Variants in PRKG1 observed in about 807,000 individuals in gnomAD.
PRKG1 encodes the protein cGMP-dependent protein kinase 1.
A neutral mutation model predicts 88.1 loss-of-function variants in PRKG1; 35 were observed. The observed-to-expected ratio is 0.40, with a 90% CI of 0.30 to 0.53. The LOEUF is 0.53. Ranked by LOEUF, PRKG1 falls within the 20% of genes least tolerant of loss-of-function variation. The pLI, the probability that PRKG1 is intolerant of heterozygous loss-of-function variation, is 0.59. For missense variants in PRKG1, 540 were observed against 839.8 expected (o/e 0.64, Z 4.41); for synonymous variants, 303 against 292.5 (o/e 1.04, Z -0.37).
rs142963984 is a variant in PRKG1 at position 52,110,068 on chromosome 10, G to A, written c.936-23772G>A. 6.4e-4 allele frequency among the ~76,000 whole-genome samples: 97 copies of A among 152,022 alleles called. 1 individual carries two copies. Among genetic ancestry groups the A allele is most frequent in the African/African-American group, 2.2e-3 (91 of 41,330 alleles). ...TCTTTAGAAGACCTGATTCTAGGCC[G>A]GGCGCCGTGGCTCACGCCTGTAGTA... On this transcript the variant is annotated intron_variant, in intron 7 of 17. Transcript: ENST00000373980.
intron 1 of PRKG1, among the ~76,000 whole-genome samples, chr10:51,020,995 T>G (rs1215200747): frequency 2.6e-5 from 4 of 152,208 alleles, no homozygotes; most frequent in African/African-American, 9.6e-5. Context: ...GTCTCAAAAC[T>G]GTGCCTGTTG....
chr10:51,586,012 T>C (rs1838163572), intron 3 of PRKG1, among the ~76,000 whole-genome samples: 1 of 152,124 alleles, frequency 6.6e-6, no homozygotes, highest in South Asian at 2.1e-4. Flanking sequence ...GTTCAAAAGC[T>C]ACCTGTTGGG....
intron 3 of PRKG1, among the ~76,000 whole-genome samples, chr10:51,558,395 G>T (rs1315557158): frequency 6.6e-6 from 1 of 152,060 alleles, no homozygotes; most frequent in East Asian, 1.9e-4. Flanking sequence ...GTGATCAAAT[G>T]AGGACCATAC....
intron 3 of PRKG1, among the ~76,000 whole-genome samples, chr10:51,761,347 G>A (rs1838017696): frequency 6.6e-6 from 1 of 152,170 alleles, no homozygotes; most frequent in Non-Finnish European, 1.5e-5. Context: ...TGTTATGGTG[G>A]AAATTATTGT....
chr10:51,529,284 G>A (rs1841957244), intron 3 of PRKG1, among the ~76,000 whole-genome samples: 1 of 152,044 alleles, frequency 6.6e-6, no homozygotes, highest in Non-Finnish European at 1.5e-5. Context: ...CTATTGCATT[G>A]ATGTCTTTCA....
intron 1 of PRKG1, among the ~76,000 whole-genome samples, chr10:51,059,653 C>T (rs2132781276): frequency 6.6e-6 from 1 of 152,094 alleles, no homozygotes; most frequent in East Asian, 1.9e-4. Context: ...AATTTTTGTT[C>T]ATTTCCAGTT....
At chr10:51,591,187 G>T (rs913712075) in intron 3 of PRKG1, among the ~76,000 whole-genome samples, 2 of 152,148 alleles carry the variant, frequency 1.3e-5, no homozygotes, top group East Asian at 3.9e-4. Context: ...ACACATACAC[G>T]CATGCATACA....
At chr10:51,177,619 C>G (rs1837229741) in intron 2 of PRKG1, among the ~76,000 whole-genome samples, 1 of 151,908 alleles carries the variant, frequency 6.6e-6, no homozygotes, top group South Asian at 2.1e-4. Context: ...GTTAACATGT[C>G]CAACCAAATA....
At chr10:52,002,786 T>G (rs562403706) in intron 5 of PRKG1, among the ~76,000 whole-genome samples, 8 of 152,314 alleles carry the variant, frequency 5.3e-5, no homozygotes, top group Non-Finnish European at 7.4e-5. Flanking sequence ...TGAAAGATCA[T>G]CAGCAGCAGT....
intron 3 of PRKG1, among the ~76,000 whole-genome samples, chr10:51,587,726 G>A (rs1445115236): frequency 6.6e-6 from 1 of 152,118 alleles, no homozygotes; most frequent in East Asian, 1.9e-4. Flanking sequence ...GAAGTAAGTT[G>A]GCTTTGCTAA....
intron 3 of PRKG1, among the ~76,000 whole-genome samples, chr10:51,642,120 C>A (rs1370626536): frequency 6.6e-6 from 1 of 152,084 alleles, no homozygotes; most frequent in Admixed American, 6.5e-5. Context: ...GGCTGGGTGT[C>A]GTGGCTCACC....
chr10:51,088,482 G>A (rs147256816), intron 1 of PRKG1, among the ~76,000 whole-genome samples: 1,813 of 148,614 alleles, frequency 0.012, 14 homozygotes, highest in Non-Finnish European at 0.021. Flanking sequence ...TCTTCTTCTC[G>A]CTCACATAGC....
At chr10:51,262,076 C>T (rs1483297263) in intron 2 of PRKG1, among the ~76,000 whole-genome samples, 1 of 151,398 alleles carries the variant, frequency 6.6e-6, no homozygotes, top group Non-Finnish European at 1.5e-5. Flanking sequence ...TTAGTAGAGA[C>T]GGGGTTTCAC....
chr10:51,690,793 G>C (rs1157386049), intron 3 of PRKG1, among the ~76,000 whole-genome samples: 1 of 151,578 alleles, frequency 6.6e-6, no homozygotes, highest in African/African-American at 2.4e-5. Context: ...GGGTGTGGTG[G>C]CGAGCACCTG....
chr10:52,170,129 T>G lies in PRKG1; in HGVS notation c.1076+8166T>G, dbSNP rs544507224. Among the ~76,000 whole-genome samples the G allele has an allele frequency of 5.9e-5, 9 of 152,320 alleles. No homozygotes were observed. In the South Asian group the frequency reaches 1.7e-3, roughly 28 times the overall value. ...AGGAATAAAAAGGTTTTCTTAATAT[T>G]GTAGTATAAATTTGTCCATAAACTA... On this transcript the variant is annotated intron_variant, in intron 9 of 17. Transcript: ENST00000373980.
Position 51,871,978 on chromosome 10 carries a change from C to T in PRKG1, c.699-35529C>T, listed in dbSNP as rs7078280. Among the ~76,000 whole-genome samples the T allele has an allele frequency of 5.3e-3, 805 of 152,244 alleles. 7 individuals are homozygous for T. Among genetic ancestry groups the T allele is most frequent in the African/African-American group, 0.018 (768 of 41,546 alleles). On this transcript the variant is annotated intron_variant, in intron 4 of 17. Transcript: ENST00000373980. ...AGGATAAAAGTTGTATTTGTTAGTACCCTTAATGGACTTTTTCTTTTCCAT... is the reference window on the plus strand; with the variant it reads ...AGGATAAAAGTTGTATTTGTTAGTATCCTTAATGGACTTTTTCTTTTCCAT...
intron 10 of PRKG1, among the ~76,000 whole-genome samples, chr10:52,270,679 A>C (rs375222982): frequency 7.0e-6 from 1 of 142,146 alleles, no homozygotes; most frequent in African/African-American, 2.6e-5. Context: ...ATGAGAACAC[A>C]TGGACACAGG....
intron 7 of PRKG1, among the ~76,000 whole-genome samples, chr10:52,126,810 C>G (rs1564480449): frequency 6.6e-6 from 1 of 152,160 alleles, no homozygotes; most frequent in African/African-American, 2.4e-5. Context: ...TTTGAGGAAA[C>G]AGTTATCTGT....
chr10:51,764,739 G>T (rs73347209), intron 3 of PRKG1, among the ~76,000 whole-genome samples: 87 of 152,104 alleles, frequency 5.7e-4, no homozygotes, highest in African/African-American at 1.9e-3. Flanking sequence ...CTGAATGTTT[G>T]GTCTCCCCCC....
Sources: allele counts gnomAD v4.1 joint callset (sites outside exome capture counted in the v4.1 genomes callset), GRCh38; gene constraint gnomAD v4.1.1; transcripts MANE v1.5; gene names NCBI Gene and HGNC (gene_info 2026-07-23, HGNC 2026-07-21).